The following CELF4 variants were observed in gnomAD, a reference collection of about 807,000 sequenced individuals.
CELF4 encodes the protein CUG-BP- and ETR-3-like factor 4.
Under a neutral mutation model 59.9 loss-of-function variants are expected in CELF4, and 18 were observed. That is an observed-to-expected ratio of 0.30 (90% CI 0.21 to 0.45). The LOEUF (loss-of-function observed/expected upper bound fraction) is 0.45, where lower values mean the gene tolerates loss of function less well. CELF4 is among the 20% of genes least tolerant of loss of function. The pLI, the probability that CELF4 is intolerant of heterozygous loss-of-function variation, is 1.00. For synonymous variants in CELF4, 261 were observed against 267.1 expected (o/e 0.98, Z 0.22); for missense variants, 456 against 689.0 (o/e 0.66, Z 3.79).
intron 10 of CELF4, among the ~76,000 whole-genome samples, chr18:37,263,172 G>T (rs2075759666): frequency 6.6e-6 from 1 of 152,194 alleles, no homozygotes; most frequent in Non-Finnish European, 1.5e-5. Flanking sequence ...TTGCTGTGAG[G>T]ACACTGAGGC....
chr18:37,346,456 T>C (rs1290305880), intron 2 of CELF4, among the ~76,000 whole-genome samples: 1 of 152,186 alleles, frequency 6.6e-6, no homozygotes, highest in African/African-American at 2.4e-5. Context: ...TGACTTGTTT[T>C]AGTCATTCTG....
intron 3 of CELF4, among the ~76,000 whole-genome samples, chr18:37,278,446 C>A (rs924441895): frequency 6.6e-6 from 1 of 152,214 alleles, no homozygotes; most frequent in East Asian, 1.9e-4. Flanking sequence ...TCTCTCAGAC[C>A]AGGGGCTGGA....
At chr18:37,440,237 G>T (rs149765124) in intron 2 of CELF4, among the ~76,000 whole-genome samples, 2 of 152,344 alleles carry the variant, frequency 1.3e-5, no homozygotes, top group East Asian at 1.9e-4. Context: ...GCCTCGGTGA[G>T]GGGGAACGTG....
intron 1 of CELF4, among the ~76,000 whole-genome samples, chr18:37,501,181 C>G (rs941578953): frequency 3.3e-5 from 5 of 152,222 alleles, no homozygotes; most frequent in Admixed American, 6.5e-5. Context: ...TGACAAGACA[C>G]TGGTTTGGAA....
chr18:37,287,819 T>C (rs772727038), intron 3 of CELF4, among the ~76,000 whole-genome samples: 1 of 152,148 alleles, frequency 6.6e-6, no homozygotes, highest in African/African-American at 2.4e-5. Context: ...GATATCCAGA[T>C]TAAATGTTAG....
intron 1 of CELF4, among the ~76,000 whole-genome samples, chr18:37,508,622 G>A (rs1026490652): frequency 2.0e-5 from 3 of 152,248 alleles, no homozygotes; most frequent in Admixed American, 1.3e-4. Context: ...AGGTGCAGCT[G>A]CAGGGGACAT....
chr18:37,556,171 A>C (rs1172250293), intron 1 of CELF4, among the ~76,000 whole-genome samples: 3 of 152,198 alleles, frequency 2.0e-5, no homozygotes, highest in Non-Finnish European at 2.9e-5. Context: ...TTGATGCCTC[A>C]TTCTCTCAAT....
At chr18:37,519,133 G>C (rs1188601729) in intron 1 of CELF4, among the ~76,000 whole-genome samples, 1 of 83,692 alleles carries the variant, frequency 1.2e-5, no homozygotes, top group Non-Finnish European at 3.9e-5. Context: ...GGCCACAGCT[G>C]GGAATGCCCC....
At chr18:37,564,183 C>T (rs1023236603) in intron 1 of CELF4, among the ~76,000 whole-genome samples, 1 of 152,198 alleles carries the variant, frequency 6.6e-6, no homozygotes, top group Non-Finnish European at 1.5e-5. Context: ...TCCTTAGCCC[C>T]GTGCTCCTTC....
intron 2 of CELF4, among the ~76,000 whole-genome samples, chr18:37,382,850 C>T (rs1043471489): frequency 3.3e-5 from 5 of 152,214 alleles, no homozygotes; most frequent in South Asian, 2.1e-4. Flanking sequence ...ACAAGCTGCT[C>T]ACCTGCCCCC....
intron 1 of CELF4, among the ~76,000 whole-genome samples, chr18:37,562,443 C>G (rs2099986844): frequency 6.6e-6 from 1 of 150,656 alleles, no homozygotes; most frequent in African/African-American, 2.4e-5. Flanking sequence ...CTGTGTCTCT[C>G]AATTTGATCC....
chr18:37,557,997 CTT>C (rs34181233), intron 1 of CELF4, among the ~76,000 whole-genome samples: 3 of 100,754 alleles, frequency 3.0e-5, no homozygotes, highest in Non-Finnish European at 1.9e-5. Context: ...ATCCCTTTTA[CTT>C]TTTTTTTTTT....
chr18:37,369,948 T>G (rs958317531), intron 2 of CELF4, among the ~76,000 whole-genome samples: 2 of 152,210 alleles, frequency 1.3e-5, no homozygotes, highest in Non-Finnish European at 2.9e-5. Context: ...CTGTGCAAAC[T>G]GCAGAAAGCC....
chr18:37,361,231 C>T (rs2098698084), intron 2 of CELF4, among the ~76,000 whole-genome samples: 1 of 152,178 alleles, frequency 6.6e-6, no homozygotes, highest in Non-Finnish European at 1.5e-5. Flanking sequence ...AACATATCAA[C>T]CCAAAGGGCA....
chr18:37,557,235 G>A (rs2099985084), intron 1 of CELF4, among the ~76,000 whole-genome samples: 1 of 152,164 alleles, frequency 6.6e-6, no homozygotes, highest in South Asian at 2.1e-4. Flanking sequence ...ATATGTGCAT[G>A]CACACACACC....
intron 2 of CELF4, among the ~76,000 whole-genome samples, chr18:37,364,205 G>A (rs914377893): frequency 6.6e-6 from 1 of 152,132 alleles, no homozygotes; most frequent in Non-Finnish European, 1.5e-5. Context: ...CCCTTCCCTT[G>A]CTGGCCTCCT....
At chr18:37,546,309 T>C (rs553947489) in intron 1 of CELF4, among the ~76,000 whole-genome samples, 1 of 152,232 alleles carries the variant, frequency 6.6e-6, no homozygotes, top group South Asian at 2.1e-4. Flanking sequence ...CAGGCCGGGA[T>C]TGGAGTGTAC....
chr18:37,353,266 C>T (rs562693204), intron 2 of CELF4, among the ~76,000 whole-genome samples: 1 of 143,602 alleles, frequency 7.0e-6, no homozygotes, highest in East Asian at 2.1e-4. Flanking sequence ...AAGACCCTTT[C>T]TTGGGGGGCT....
At chr18:37,348,867 A>C (rs527300609) in intron 2 of CELF4, among the ~76,000 whole-genome samples, 5 of 152,144 alleles carry the variant, frequency 3.3e-5, no homozygotes, top group Admixed American at 1.3e-4. Context: ...CAGTCACTCA[A>C]GGCCACCCTG....
Sources: gnomAD v4.1 joint callset for allele counts (sites outside exome capture counted in the v4.1 genomes callset) on GRCh38, gnomAD v4.1.1 for gene constraint, MANE v1.5 for transcripts, NCBI Gene and HGNC (gene_info 2026-07-23, HGNC 2026-07-21) for gene names.